The following SFXN5 variants were observed in gnomAD, a reference collection of about 807,000 sequenced individuals.
SFXN5 encodes the protein sideroflexin 5.
Under a neutral mutation model 50.2 loss-of-function variants are expected in SFXN5, and 43 were observed. The ratio of observed to expected loss-of-function variants is 0.86; its 90% CI spans 0.67 to 1.11. SFXN5 has a LOEUF of 1.11. SFXN5 is among the 50% of genes least tolerant of loss of function. The probability of loss-of-function intolerance (pLI) is 0.00; values close to 1 mark genes in which losing one functional copy is unlikely to be tolerated. For synonymous variants in SFXN5, 203 were observed against 185.8 expected, an observed-to-expected ratio of 1.09 and a Z score of -0.75; for missense variants, 463 against 454.1, an observed-to-expected ratio of 1.02 and a Z score of -0.18.
At chr2:72,979,454 C>T (rs371753415) in intron 10 of SFXN5, among the ~76,000 whole-genome samples, 1 of 151,924 alleles carries the variant, frequency 6.6e-6, no homozygotes, top group East Asian at 1.9e-4. Flanking sequence ...GTCAACATGG[C>T]GAAACCCTGT....
At chr2:73,022,447 T>G (rs1266504447) in intron 5 of SFXN5, 75 bp downstream of exon 5, 2 of 1,157,630 alleles carry the variant, frequency 1.7e-6, no homozygotes, top group Admixed American at 1.7e-5. Flanking sequence ...GGCCAGCACA[T>G]CTGGATGCTC....
chr2:72,947,471 C>T (rs1672082649), intron 13 of SFXN5, among the ~76,000 whole-genome samples: 1 of 152,202 alleles, frequency 6.6e-6, no homozygotes, highest in Non-Finnish European at 1.5e-5. Context: ...TGGACAGAGT[C>T]AAGGAGGCAC....
rs969321282 is a variant in SFXN5 at position 72,950,591 on chromosome 2, C to T, written c.946-5492G>A. 5.9e-5 allele frequency among the ~76,000 whole-genome samples: 9 copies of T among 152,200 alleles called. No individual in the cohort carries two copies. The South Asian group carries it at 1.7e-3, about 28-fold the overall frequency. On this transcript the variant is annotated intron_variant, in intron 13 of 13. Transcript: ENST00000272433. The surrounding 1 kb of genome is among the most constrained non-coding windows in gnomAD (Gnocchi z 4.2). The stretch of plus-strand genomic sequence containing the variant: ...GCCTGCTCACCTATATGTGATGTTT[C>T]CTCCCCTGTCCACCAAAAACTAAGC...
intron 10 of SFXN5, among the ~76,000 whole-genome samples, chr2:72,982,488 T>A (rs1321732288): frequency 6.6e-6 from 1 of 152,190 alleles, no homozygotes; most frequent in Non-Finnish European, 1.5e-5. Flanking sequence ...ACTCATTTGA[T>A]CATTGAATAA....
At chr2:73,020,201 T>C in intron 6 of SFXN5, 38 bp downstream of exon 6, 3 of 1,597,586 alleles carry the variant, frequency 1.9e-6, no homozygotes, top group Non-Finnish European at 1.7e-6. Flanking sequence ...TTTAAAATAA[T>C]TTTTTAGAAA....
chr2:73,028,660 T>C (rs1210528449), intron 3 of SFXN5, among the ~76,000 whole-genome samples: 1 of 152,214 alleles, frequency 6.6e-6, no homozygotes, highest in Non-Finnish European at 1.5e-5. Context: ...TATTTTGTAT[T>C]GAGTCTCACA....
At chr2:72,980,541 T>C (rs1015710352) in intron 10 of SFXN5, among the ~76,000 whole-genome samples, 2 of 152,166 alleles carry the variant, frequency 1.3e-5, no homozygotes, top group African/African-American at 4.8e-5. Context: ...GCTTGAGAAT[T>C]TGGGGAGAGT....
intron 3 of SFXN5, among the ~76,000 whole-genome samples, chr2:73,026,422 G>T (rs535957101): frequency 6.6e-6 from 1 of 151,768 alleles, no homozygotes; most frequent in Admixed American, 6.6e-5. Flanking sequence ...GCCCAACATG[G>T]TTGCTGCCTT....
intron 3 of SFXN5, among the ~76,000 whole-genome samples, chr2:73,033,015 T>C (rs116798173): frequency 9.9e-4 from 151 of 152,212 alleles, no homozygotes; most frequent in Admixed American, 1.9e-3. Flanking sequence ...ACAGCAGCAG[T>C]TGCAACTTCC....
chr2:73,017,136 T>C (rs1440633463), intron 6 of SFXN5, among the ~76,000 whole-genome samples: 1 of 152,158 alleles, frequency 6.6e-6, no homozygotes, highest in Non-Finnish European at 1.5e-5. Flanking sequence ...GTCAGACACA[T>C]CGGTATATAG....
chr2:73,017,111 A>G (rs1330709851), intron 6 of SFXN5, among the ~76,000 whole-genome samples: 1 of 152,332 alleles, frequency 6.6e-6, no homozygotes, highest in Non-Finnish European at 1.5e-5. Flanking sequence ...ATAATTGTAA[A>G]TTGAACCATC....
chr2:73,024,959 T>C (rs1348714926), intron 3 of SFXN5, among the ~76,000 whole-genome samples: 1 of 152,194 alleles, frequency 6.6e-6, no homozygotes, highest in African/African-American at 2.4e-5. Flanking sequence ...AATTAACTCT[T>C]ATTTTAGACA....
At chr2:72,962,350 C>G (rs1307853510) in intron 12 of SFXN5, among the ~76,000 whole-genome samples, 1 of 152,242 alleles carries the variant, frequency 6.6e-6, no homozygotes, top group Non-Finnish European at 1.5e-5. Context: ...CCCAATGTGG[C>G]GGGCAGTAAA....
chr2:72,958,821 GGCT>G (rs1417224865), intron 13 of SFXN5, among the ~76,000 whole-genome samples: 4 of 152,284 alleles, frequency 2.6e-5, no homozygotes, highest in Admixed American at 6.5e-5. Context: ...CCCATGACAA[GGCT>G]GGCCGCTGTG....
chr2:73,063,526 T>TC (rs1441077963), intron 1 of SFXN5, among the ~76,000 whole-genome samples: 1 of 152,166 alleles, frequency 6.6e-6, no homozygotes, highest in Non-Finnish European at 1.5e-5. Context: ...GGGTCTTGTT[T>TC]CCTTAAAAAC....
chr2:73,030,226 TA>T (rs1678130986), intron 3 of SFXN5, among the ~76,000 whole-genome samples: 1 of 152,192 alleles, frequency 6.6e-6, no homozygotes, highest in Non-Finnish European at 1.5e-5. Flanking sequence ...CATCCATCTC[TA>T]AAGTCTAGCT....
chr2:72,974,549 T>C (rs188082682), intron 10 of SFXN5, among the ~76,000 whole-genome samples: 1 of 152,274 alleles, frequency 6.6e-6, no homozygotes, highest in African/African-American at 2.4e-5. Context: ...GGCTCCTCCC[T>C]TGAAACCGGC....
intron 3 of SFXN5, among the ~76,000 whole-genome samples, chr2:73,024,515 G>A (rs1013462134): frequency 6.6e-5 from 10 of 152,180 alleles, no homozygotes; most frequent in Non-Finnish European, 1.0e-4. Context: ...TTAGCAGGGC[G>A]TGGTGGAATG....
At chr2:72,971,436 G>T in intron 11 of SFXN5, 134 bp downstream of exon 11, 1 of 602,218 alleles carries the variant, frequency 1.7e-6, no homozygotes, top group Non-Finnish European at 3.0e-6. Flanking sequence ...AGGTGGGGGT[G>T]GGGTGAGGAG....
Sources: gnomAD v4.1 joint callset for allele counts (sites outside exome capture counted in the v4.1 genomes callset) on GRCh38, gnomAD v4.1.1 for gene constraint, Gnocchi (gnomAD v3.1) non-coding constraint, MANE v1.5 for transcripts, NCBI Gene and HGNC (gene_info 2026-07-23, HGNC 2026-07-21) for gene names.